The following FAF1 variants were observed in gnomAD, a reference collection of about 807,000 sequenced individuals.
FAF1 encodes Fas associated factor 1.
In FAF1, 25 loss-of-function variants were observed where a neutral mutation model predicts 92.5. The observed-to-expected ratio is 0.27, with a 90% CI of 0.20 to 0.38. The LOEUF is 0.38. FAF1 is among the 10% of genes least tolerant of loss of function. The probability of loss-of-function intolerance (pLI) is 1.00; values close to 1 mark genes in which losing one functional copy is unlikely to be tolerated. For synonymous variants in FAF1, 234 were observed against 273.2 expected (o/e 0.86, Z 1.42); for missense variants, 636 against 793.3 (o/e 0.80, Z 2.38).
chr1:50,885,324 A>ACACACACACACACACACACCCCCT (rs1644651416), intron 1 of FAF1, among the ~76,000 whole-genome samples: 1 of 102,214 alleles, frequency 9.8e-6, no homozygotes, highest in African/African-American at 3.5e-5. Context: ...ACACACACAC[A>ACACACACACACACACACACCCCCT]CTCTCTCTCT....
In FAF1 at chr1:50,808,822, T is replaced by C. The variant is rs570929338; in HGVS notation, c.115-7145A>G. On this transcript the variant is annotated intron_variant, in intron 2 of 18. Transcript: ENST00000396153. ...CAGGAGCAGGTTAACTTCCATTAAA[T>C]TGTATGTTTTTGAGTGATTTTTGGA... is the stretch of plus-strand genomic sequence containing the variant. 4.6e-5 allele frequency among the ~76,000 whole-genome samples: 7 copies of C among 152,326 alleles called. No individual in the cohort carries two copies. In the East Asian group the frequency reaches 1.3e-3, roughly 29 times the overall value.
At chr1:50,468,282 T>A (rs1046390930) in intron 18 of FAF1, among the ~76,000 whole-genome samples, 3 of 151,972 alleles carry the variant, frequency 2.0e-5, no homozygotes, top group Non-Finnish European at 2.9e-5. Flanking sequence ...TATATGACAA[T>A]TAAAATTTTA....
chr1:50,577,011 C>T (rs1460476250), intron 12 of FAF1, among the ~76,000 whole-genome samples: 5 of 152,174 alleles, frequency 3.3e-5, no homozygotes, highest in Non-Finnish European at 2.9e-5. Flanking sequence ...GCATCACAGG[C>T]CCCTTCATGC....
intron 1 of FAF1, among the ~76,000 whole-genome samples, chr1:50,917,700 AAAAG>A (rs1231382606): frequency 6.6e-6 from 1 of 151,026 alleles, no homozygotes; most frequent in African/African-American, 2.4e-5. Flanking sequence ...AAAGGAAAGG[AAAAG>A]AAAGAAAACC....
intron 9 of FAF1, among the ~76,000 whole-genome samples, chr1:50,587,902 A>C (rs548286067): frequency 6.6e-6 from 1 of 152,366 alleles, no homozygotes; most frequent in South Asian, 2.1e-4. Flanking sequence ...TAGAACTCAT[A>C]ACTGGCATTA....
At chr1:50,732,283 G>A (rs1258496019) in intron 6 of FAF1, among the ~76,000 whole-genome samples, 1 of 151,922 alleles carries the variant, frequency 6.6e-6, no homozygotes, top group African/African-American at 2.4e-5. Flanking sequence ...CACCATGTTA[G>A]CCAGGATGGT....
intron 18 of FAF1, chr1:50,452,311 T>A: frequency 2.4e-6 from 1 of 424,624 alleles, no homozygotes; most frequent in Non-Finnish European, 4.3e-6. Flanking sequence ...GAAGATTCTG[T>A]AGTGTGGCAA....
intron 1 of FAF1, among the ~76,000 whole-genome samples, chr1:50,893,834 C>A (rs1644738048): frequency 6.6e-6 from 1 of 152,198 alleles, no homozygotes; most frequent in African/African-American, 2.4e-5. Flanking sequence ...AGAAGCCAGA[C>A]TAGGGTCAAA....
chr1:50,822,827 T>G (rs1198897930), intron 2 of FAF1, among the ~76,000 whole-genome samples: 1 of 147,776 alleles, frequency 6.8e-6, no homozygotes, highest in Non-Finnish European at 1.5e-5. Context: ...CAGGCTGGAG[T>G]GCAATGGCAC....
intron 2 of FAF1, among the ~76,000 whole-genome samples, chr1:50,814,694 A>C (rs1643950478): frequency 1.3e-5 from 2 of 152,218 alleles, no homozygotes; most frequent in Admixed American, 6.5e-5. Context: ...TTGAATAGAC[A>C]TTTCTCCAAA....
chr1:50,857,275 T>C (rs1410958121), intron 2 of FAF1, among the ~76,000 whole-genome samples: 1 of 151,744 alleles, frequency 6.6e-6, no homozygotes, highest in Non-Finnish European at 1.5e-5. Context: ...GTTTTGACTT[T>C]TGAAAATTAG....
At position 50,627,526 on chromosome 1, in the gene FAF1, A is replaced by G. The variant is rs546101457; in HGVS notation, c.744+27916T>C. ...GAGAATGAATGAGCTATAACTACAT[A>G]GAAAAATATGGATCCATCTCATAAA... On this transcript the variant is annotated intron_variant, in intron 8 of 18. Transcript: ENST00000396153. 3.3e-5 allele frequency among the ~76,000 whole-genome samples: 5 copies of G among 152,260 alleles called. No individual in the cohort carries two copies. The South Asian group carries it at 1.0e-3, about 32-fold the overall frequency.
chr1:50,775,688 C>T (rs532903379), intron 4 of FAF1, among the ~76,000 whole-genome samples: 4 of 151,494 alleles, frequency 2.6e-5, no homozygotes, highest in South Asian at 2.1e-4. Context: ...AAGAAAGAAA[C>T]GAACATATGG....
intron 8 of FAF1, among the ~76,000 whole-genome samples, chr1:50,621,611 G>C (rs1421792440): frequency 2.0e-5 from 3 of 151,436 alleles, no homozygotes; most frequent in African/African-American, 7.3e-5. Context: ...TGTTGCCCTG[G>C]GTGGTCTCGA....
intron 15 of FAF1, among the ~76,000 whole-genome samples, chr1:50,493,181 C>T (rs147332211): frequency 2.6e-5 from 4 of 151,830 alleles, no homozygotes; most frequent in South Asian, 2.1e-4. Context: ...TACACGCACC[C>T]GACATCACGC....
chr1:50,943,149 C>A (rs549299586), intron 1 of FAF1, among the ~76,000 whole-genome samples: 1 of 152,208 alleles, frequency 6.6e-6, no homozygotes, highest in African/African-American at 2.4e-5. Context: ...CACAAGTATG[C>A]CACTATCAGG....
intron 8 of FAF1, among the ~76,000 whole-genome samples, chr1:50,618,414 G>GTTTTTTTTTT (rs540421778): frequency 1.7e-3 from 185 of 111,852 alleles, no homozygotes; most frequent in Non-Finnish European, 2.3e-3. Flanking sequence ...AGTTTTTAGA[G>GTTTTTTTTTT]TTTTTTTTTT....
intron 17 of FAF1, among the ~76,000 whole-genome samples, chr1:50,481,718 T>G (rs1572773487): frequency 6.6e-6 from 1 of 151,594 alleles, no homozygotes. Flanking sequence ...GGGGGAGGGG[T>G]AAAATTTTAA....
At chr1:50,696,905 T>C (rs1260962056) in intron 7 of FAF1, among the ~76,000 whole-genome samples, 2 of 152,232 alleles carry the variant, frequency 1.3e-5, no homozygotes, top group Non-Finnish European at 2.9e-5. Context: ...AAATATATAC[T>C]TAGCAAATTG....
Sources: allele counts gnomAD v4.1 joint callset (sites outside exome capture counted in the v4.1 genomes callset), GRCh38; gene constraint gnomAD v4.1.1; transcripts MANE v1.5; gene names NCBI Gene and HGNC (gene_info 2026-07-23, HGNC 2026-07-21).